Variants in PTPRG observed in about 807,000 individuals in gnomAD.
The protein encoded by PTPRG is receptor-type tyrosine-protein phosphatase gamma.
In PTPRG, 102 loss-of-function variants were observed where a neutral mutation model predicts 165.3. That is an observed-to-expected ratio of 0.62 (90% CI 0.53 to 0.73). The LOEUF (loss-of-function observed/expected upper bound fraction) is 0.73, where lower values mean the gene tolerates loss of function less well. Ranked by LOEUF, PTPRG falls within the 30% of genes least tolerant of loss-of-function variation. The pLI is 0.00. For missense variants in PTPRG, 1,866 were observed against 1,861.4 expected (o/e 1.00, Z -0.05); for synonymous variants, 675 against 669.5 (o/e 1.01, Z -0.13).
intron 2 of PTPRG, among the ~76,000 whole-genome samples, chr3:61,879,818 C>A (rs985922063): frequency 6.6e-6 from 1 of 152,118 alleles, no homozygotes; most frequent in African/African-American, 2.4e-5. Flanking sequence ...GGGTTTATAT[C>A]CTTCTACTAT....
chr3:62,221,164 T>A (rs1365640622), intron 13 of PTPRG, among the ~76,000 whole-genome samples: 3 of 152,192 alleles, frequency 2.0e-5, no homozygotes, highest in Non-Finnish European at 4.4e-5. Flanking sequence ...TCTCAGTGAG[T>A]CCAAATGGAA....
intron 5 of PTPRG, among the ~76,000 whole-genome samples, chr3:62,099,625 T>A (rs1702221394): frequency 6.6e-6 from 1 of 152,012 alleles, no homozygotes; most frequent in Admixed American, 6.5e-5. Flanking sequence ...ACATGAGCCA[T>A]GTTATTAATT....
chr3:62,004,100 G>C (rs2041235785), intron 4 of PTPRG, among the ~76,000 whole-genome samples: 1 of 152,174 alleles, frequency 6.6e-6, no homozygotes, highest in African/African-American at 2.4e-5. Context: ...TCTGCTTAGA[G>C]CCAGGGTGAG....
At chr3:61,683,714 T>C (rs891702331) in intron 1 of PTPRG, among the ~76,000 whole-genome samples, 1 of 152,364 alleles carries the variant, frequency 6.6e-6, no homozygotes, top group East Asian at 1.9e-4. Flanking sequence ...GACTTATGAC[T>C]TCACCGTCAC....
Position 62,213,995 on chromosome 3 carries a change from G to C in PTPRG, c.2156-4856G>C, listed in dbSNP as rs545488920. 6.6e-6 allele frequency among the ~76,000 whole-genome samples: 1 copy of C among 152,160 alleles called. No homozygotes were observed. Among genetic ancestry groups the C allele is most frequent in the South Asian group, 2.1e-4 (1 of 4,820 alleles). On this transcript the variant is annotated intron_variant, in intron 12 of 29. Coordinates refer to ENST00000474889, the MANE Select transcript of PTPRG (RefSeq NM_002841.4). The surrounding 1 kb of genome is among the most constrained non-coding windows in gnomAD (Gnocchi z 4.4). ...GAGGATCCCTTGAGCCCAGAAGTTCGAGACCAGCCTGGGCAACATATCAAG... is the reference window on the plus strand; with the variant it reads ...GAGGATCCCTTGAGCCCAGAAGTTCCAGACCAGCCTGGGCAACATATCAAG...
chr3:61,822,187 A>G (rs1171795081), intron 2 of PTPRG, among the ~76,000 whole-genome samples: 2 of 152,174 alleles, frequency 1.3e-5, no homozygotes, highest in African/African-American at 2.4e-5. Context: ...TGCCTATTCA[A>G]TACTGTTTCT....
chr3:61,683,534 A>G (rs148254817), intron 1 of PTPRG, among the ~76,000 whole-genome samples: 24 of 152,328 alleles, frequency 1.6e-4, no homozygotes, highest in African/African-American at 4.6e-4. Flanking sequence ...CCTTGGGGTT[A>G]CTTGGCCGTC....
At position 62,229,287 on chromosome 3, in the gene PTPRG, G is replaced by T. The variant is rs1389176008; in HGVS notation, c.2289-1938G>T. 6.6e-6 allele frequency among the ~76,000 whole-genome samples: 1 copy of T among 152,102 alleles called. No homozygotes were observed. Among genetic ancestry groups the T allele is most frequent in the Non-Finnish European group, 1.5e-5 (1 of 68,026 alleles). ...CTGTGCTGGGAGATCTGGGTCACAT[G>T]GCAGCTAATGCTGTGGATCCCAGGC... On this transcript the variant is annotated intron_variant, in intron 13 of 29. Transcript: ENST00000474889. The surrounding 1 kb of genome is among the most constrained non-coding windows in gnomAD (Gnocchi z 4.6).
intron 4 of PTPRG, among the ~76,000 whole-genome samples, chr3:62,036,514 C>T (rs1242655576): frequency 6.6e-6 from 1 of 152,146 alleles, no homozygotes; most frequent in Admixed American, 6.5e-5. Context: ...GTGTGTGATG[C>T]TTATGGTTTG....
In PTPRG at chr3:62,245,015, C is replaced by T. The variant is rs1701259620; in HGVS notation, c.2467+1117C>T. Among the ~76,000 whole-genome samples the T allele has an allele frequency of 6.6e-6, 1 of 152,110 alleles. No homozygotes were observed. Among genetic ancestry groups the T allele is most frequent in the Admixed American group, 6.6e-5 (1 of 15,256 alleles). ...TGCCCTGTTATGTGTCTGTATATTG[C>T]TAAGTCATTAGATATTACTGGGATT... On this transcript the variant is annotated intron_variant, in intron 15 of 29. Coordinates refer to ENST00000474889, the MANE Select transcript of PTPRG (RefSeq NM_002841.4). The surrounding 1 kb of genome is among the most constrained non-coding windows in gnomAD (Gnocchi z 4.2).
intron 1 of PTPRG, among the ~76,000 whole-genome samples, chr3:61,691,193 G>A (rs1307110588): frequency 6.6e-6 from 1 of 152,102 alleles, no homozygotes; most frequent in African/African-American, 2.4e-5. Flanking sequence ...TGGGAGGATT[G>A]CTTGAACCCA....
chr3:61,590,730 C>A (rs980036551), intron 1 of PTPRG, among the ~76,000 whole-genome samples: 7 of 151,820 alleles, frequency 4.6e-5, no homozygotes, highest in Admixed American at 2.0e-4. Flanking sequence ...TTGTTTTTTT[C>A]ATTTGGTAAT....
chr3:62,134,219 G>T (rs1031944989), intron 6 of PTPRG, among the ~76,000 whole-genome samples: 2 of 152,164 alleles, frequency 1.3e-5, no homozygotes, highest in Non-Finnish European at 2.9e-5. Context: ...AAGATGCCCG[G>T]GGTGTGGTTT....
At chr3:61,573,829 G>A (rs1264676495) in intron 1 of PTPRG, among the ~76,000 whole-genome samples, 1 of 152,104 alleles carries the variant, frequency 6.6e-6, no homozygotes, top group African/African-American at 2.4e-5. Flanking sequence ...ACTATCCAAG[G>A]TTAATATCTT....
At chr3:61,954,881 T>G (rs187564860) in intron 2 of PTPRG, among the ~76,000 whole-genome samples, 3 of 152,334 alleles carry the variant, frequency 2.0e-5, no homozygotes, top group Admixed American at 1.3e-4. Flanking sequence ...GACAGATCAG[T>G]TTAGGTAAAA....
intron 1 of PTPRG, among the ~76,000 whole-genome samples, chr3:61,589,785 A>C (rs189447706): frequency 6.6e-6 from 1 of 151,980 alleles, no homozygotes; most frequent in East Asian, 1.9e-4. Flanking sequence ...AGATGGGTGG[A>C]TGGATAGGTG....
In PTPRG at chr3:62,203,088, C is replaced by T; in HGVS notation, c.1378-85C>T. 6.6e-7 allele frequency: 1 copy of T among 1,512,984 alleles called. No individual in the cohort carries two copies. Among genetic ancestry groups the T allele is most frequent in the East Asian group, 2.3e-5 (1 of 43,860 alleles). The allele number at this position is 1,512,984 out of a possible 1,614,324, so 93.7% of individuals were successfully genotyped here. A position where few individuals can be genotyped will look rare whatever the true frequency, so the allele number is the denominator to read the frequency against. ...AATCCTCAGAGGGTGACAACCAGGG[C>T]CTCATTCCCAATCTCAATTACTGAT... is the stretch of plus-strand genomic sequence containing the variant. On this transcript the variant is annotated intron_variant, in intron 11 of 29. Coordinates refer to ENST00000474889, the MANE Select transcript of PTPRG (RefSeq NM_002841.4). This position sits in a 1 kb window ranked among gnomAD's most constrained non-coding sequence, Gnocchi z 6.4.
chr3:62,264,149 A>T (rs1319657418), intron 17 of PTPRG: 1 of 151,888 alleles, frequency 6.6e-6, no homozygotes, highest in Non-Finnish European at 1.5e-5. Context: ...CCATCTGAAA[A>T]AAAAAAAAAA....
intron 2 of PTPRG, among the ~76,000 whole-genome samples, chr3:61,812,106 G>A (rs1334518990): frequency 6.6e-6 from 1 of 152,152 alleles, no homozygotes; most frequent in Non-Finnish European, 1.5e-5. Context: ...TAAACGTGTG[G>A]TTTTGCAGGA....
Sources: gnomAD v4.1 joint callset for allele counts (sites outside exome capture counted in the v4.1 genomes callset) on GRCh38, gnomAD v4.1.1 for gene constraint, Gnocchi (gnomAD v3.1) non-coding constraint, MANE v1.5 for transcripts, NCBI Gene and HGNC (gene_info 2026-07-23, HGNC 2026-07-21) for gene names.